Variants in GALNT13 observed in about 807,000 individuals in gnomAD.
GALNT13 encodes UDP-GalNAc:polypeptide N-acetylgalactosaminyltransferase 13.
In GALNT13, 28 loss-of-function variants were observed where a neutral mutation model predicts 64.2. The ratio of observed to expected loss-of-function variants is 0.44; its 90% confidence interval spans 0.32 to 0.60. The LOEUF (loss-of-function observed/expected upper bound fraction) is 0.60. Among genes scored for constraint, GALNT13 ranks in the 20% least tolerant of loss-of-function variants. The pLI is 0.05. For missense variants in GALNT13, 577 were observed against 669.8 expected (o/e 0.86, Z 1.53); for synonymous variants, 214 against 224.6 (o/e 0.95, Z 0.42).
At chr2:154,278,929 TTAAAA>T (rs1559064449) in intron 8 of GALNT13, among the ~76,000 whole-genome samples, 1 of 152,024 alleles carries the variant, frequency 6.6e-6, no homozygotes, top group Non-Finnish European at 1.5e-5. Context: ...TATCATAAAT[TTAAAA>T]TAAAATATCA....
At chr2:154,313,256 A>G (rs1005530639) in intron 9 of GALNT13, among the ~76,000 whole-genome samples, 1 of 148,880 alleles carries the variant, frequency 6.7e-6, no homozygotes, top group East Asian at 2.0e-4. Flanking sequence ...GTATATATAT[A>G]TATACACACA....
chr2:153,827,685 C>G, the GALNT13 span, among the ~76,000 whole-genome samples: 1 of 151,630 alleles, frequency 6.6e-6, no homozygotes, highest in Non-Finnish European at 1.5e-5. Context: ...CATTCCACCC[C>G]AGCTCCTCCC....
chr2:153,906,191 T>C (rs998275850), intron 2 of GALNT13, among the ~76,000 whole-genome samples: 3 of 151,788 alleles, frequency 2.0e-5, no homozygotes, highest in African/African-American at 7.3e-5. Flanking sequence ...CCATGTCTGG[T>C]TGTTTTTTTT....
chr2:153,734,105 T>C, the GALNT13 span, among the ~76,000 whole-genome samples: 1 of 152,162 alleles, frequency 6.6e-6, no homozygotes, highest in Admixed American at 6.6e-5. Flanking sequence ...AGAAGCCATG[T>C]TCCATGCAAC....
the GALNT13 span, among the ~76,000 whole-genome samples, chr2:153,729,850 C>G: frequency 6.6e-6 from 1 of 151,810 alleles, no homozygotes; most frequent in Non-Finnish European, 1.5e-5. Flanking sequence ...AGCTGAGAAC[C>G]AAATTAAGAA....
chr2:153,630,783 ATATATATATATATATATATATATATTTT>A, the GALNT13 span, among the ~76,000 whole-genome samples: 14 of 9,476 alleles, frequency 1.5e-3, 1 homozygote, highest in Admixed American at 9.0e-3. Context: ...ATATATATAT[ATATATATATATATATATATATATATTTT>A]TTTTTTTTTT....
At chr2:154,347,108 C>A (rs566763087) in intron 9 of GALNT13, among the ~76,000 whole-genome samples, 2 of 152,054 alleles carry the variant, frequency 1.3e-5, no homozygotes, top group East Asian at 3.9e-4. Context: ...TTGGGCCTCA[C>A]CACCAGCAAT....
chr2:153,540,476 A>T, the GALNT13 span, among the ~76,000 whole-genome samples: 1 of 152,228 alleles, frequency 6.6e-6, no homozygotes, highest in African/African-American at 2.4e-5. Context: ...CAGAGTCCCC[A>T]CTGGGGCACT....
chr2:154,181,174 A>G (rs1685938507), intron 4 of GALNT13, among the ~76,000 whole-genome samples: 1 of 152,144 alleles, frequency 6.6e-6, no homozygotes, highest in Non-Finnish European at 1.5e-5. Context: ...TCAATACTTT[A>G]TTGTTGTATA....
intron 3 of GALNT13, among the ~76,000 whole-genome samples, chr2:154,077,859 A>G (rs574654749): frequency 6.6e-6 from 1 of 151,654 alleles, no homozygotes; most frequent in East Asian, 1.9e-4. Flanking sequence ...TTTTTTTAAA[A>G]TCATGCTTTC....
At chr2:153,751,157 T>C in the GALNT13 span, among the ~76,000 whole-genome samples, 1 of 151,934 alleles carries the variant, frequency 6.6e-6, no homozygotes, top group Non-Finnish European at 1.5e-5. Context: ...TTTTATTCCA[T>C]GGTGGTTAGA....
chr2:153,584,036 G>A, the GALNT13 span, among the ~76,000 whole-genome samples: 1 of 152,178 alleles, frequency 6.6e-6, no homozygotes, highest in Admixed American at 6.5e-5. Context: ...AGAGTTGGAT[G>A]GGCTGTGACA....
intron 8 of GALNT13, among the ~76,000 whole-genome samples, chr2:154,264,954 T>C (rs1410028375): frequency 6.7e-6 from 1 of 150,218 alleles, no homozygotes; most frequent in Non-Finnish European, 1.5e-5. Flanking sequence ...ATTCCACATA[T>C]ATGATACCTA....
chr2:154,353,906 A>C (rs562072983), intron 9 of GALNT13, among the ~76,000 whole-genome samples: 1 of 152,150 alleles, frequency 6.6e-6, no homozygotes, highest in African/African-American at 2.4e-5. Context: ...TGGTGATTTC[A>C]TCTCCTTCAG....
At chr2:154,032,374 T>A (rs959186023) in intron 3 of GALNT13, among the ~76,000 whole-genome samples, 1 of 151,848 alleles carries the variant, frequency 6.6e-6, no homozygotes, top group South Asian at 2.1e-4. Context: ...ATAATATAAA[T>A]TCTACCCAGT....
chr2:153,257,783 G>A, the GALNT13 span, among the ~76,000 whole-genome samples: 1 of 152,092 alleles, frequency 6.6e-6, no homozygotes, highest in East Asian at 1.9e-4. Flanking sequence ...ATAGTTATTT[G>A]TACAAGTGCT....
chr2:154,338,146 C>T (rs1281656825), intron 9 of GALNT13, among the ~76,000 whole-genome samples: 1 of 152,074 alleles, frequency 6.6e-6, no homozygotes, highest in Non-Finnish European at 1.5e-5. Context: ...GCATGATCAA[C>T]TTTCACATAA....
At chr2:153,898,166 C>A (rs963819988) in intron 1 of GALNT13, among the ~76,000 whole-genome samples, 2 of 152,038 alleles carry the variant, frequency 1.3e-5, no homozygotes, top group African/African-American at 4.8e-5. Flanking sequence ...AAATTGGTGT[C>A]TAATTTTCTG....
the GALNT13 span, among the ~76,000 whole-genome samples, chr2:153,179,688 G>A: frequency 1.3e-5 from 2 of 152,072 alleles, no homozygotes; most frequent in Admixed American, 6.5e-5. Context: ...CCATGAACAC[G>A]AGGTATCTTT....
Sources: allele counts gnomAD v4.1 joint callset (sites outside exome capture counted in the v4.1 genomes callset), GRCh38; gene constraint gnomAD v4.1.1; transcripts MANE v1.5; gene names NCBI Gene and HGNC (gene_info 2026-07-23, HGNC 2026-07-21).